Variants in TFB2M observed in about 807,000 individuals in gnomAD.
The protein encoded by TFB2M is dimethyladenosine transferase 2, mitochondrial.
In TFB2M, 44 loss-of-function variants were observed where a neutral mutation model predicts 41.3. The ratio of observed to expected loss-of-function variants is 1.07; its 90% CI spans 0.84 to 1.37. The LOEUF (loss-of-function observed/expected upper bound fraction) is 1.37, where lower values mean the gene tolerates loss of function less well. Ranked by LOEUF, TFB2M falls within the 40% of genes most tolerant of loss-of-function variation. TFB2M has a pLI of 0.00. For missense variants in TFB2M, 496 were observed against 490.2 expected (o/e 1.01, Z -0.11); for synonymous variants, 188 against 176.8 (o/e 1.06, Z -0.50).
At chr1:246,548,057 C>T (rs1659071612) in intron 6 of TFB2M, among the ~76,000 whole-genome samples, 1 of 150,856 alleles carries the variant, frequency 6.6e-6, no homozygotes, top group African/African-American at 2.4e-5. Flanking sequence ...AGTGATTCTT[C>T]TGCTTCAGCG....
intron 7 of TFB2M, among the ~76,000 whole-genome samples, chr1:246,541,477 C>CA (rs34538127): frequency 3.3e-5 from 5 of 149,596 alleles, no homozygotes; most frequent in Admixed American, 2.0e-4. Context: ...TCCATGAAAC[C>CA]AAAAAAATCA....
intron 2 of TFB2M, 90 bp downstream of exon 2, chr1:246,564,251 TCTATG>T (rs1167026099): frequency 9.7e-7 from 1 of 1,033,368 alleles, no homozygotes; most frequent in Non-Finnish European, 1.5e-6. Flanking sequence ...TAAAAGATAT[TCTATG>T]TAAAACACTG....
chr1:246,551,574 C>T (rs115648191), intron 4 of TFB2M, among the ~76,000 whole-genome samples: 1,548 of 152,114 alleles, frequency 0.01, 22 homozygotes, highest in African/African-American at 0.034. Flanking sequence ...GCAGGGGCAA[C>T]GGCAGGGCAC....
chr1:246,561,241 G>A (rs1659448013), intron 2 of TFB2M, among the ~76,000 whole-genome samples: 2 of 152,200 alleles, frequency 1.3e-5, no homozygotes, highest in African/African-American at 4.8e-5. Flanking sequence ...TAAGGGTTGA[G>A]TACAAGTCAG....
chr1:246,564,828 C>T (rs891881092), intron 1 of TFB2M, among the ~76,000 whole-genome samples: 1 of 152,048 alleles, frequency 6.6e-6, no homozygotes, highest in African/African-American at 2.4e-5. Flanking sequence ...TACAGGCGCC[C>T]GCCACCACGC....
rs752001915 is a variant in TFB2M at position 246,541,038 on chromosome 1, T to C, written c.1184A>G (p.Asp395Gly). The change falls in exon 8 of 8, where the codon GAT (aspartate) becomes GGT (glycine). Residue 395 changes from aspartate to glycine, a missense_variant. Transcript: ENST00000366514. The stretch of plus-strand genomic sequence containing the variant: ...AAAACGACAGTCTAGTTGCTACCTA[T>C]CTTCCAGGGTTTCATCATACAGCCA... ...YKWLYDETLE[D>G]R is the part of the protein sequence containing the mutation. 87 of 1,609,800 alleles carry C rather than the reference T, an allele frequency of 5.4e-5. 1 individual carries two copies. The highest frequency in any genetic ancestry group is 7.2e-5 in the Non-Finnish European group (85 of 1,178,058).
intron 4 of TFB2M, among the ~76,000 whole-genome samples, chr1:246,552,319 C>T (rs1048030868): frequency 2.0e-5 from 3 of 152,138 alleles, no homozygotes; most frequent in African/African-American, 7.2e-5. Context: ...AGATCAATAA[C>T]ATGAAACATT....
At chr1:246,547,432 G>A (rs900725319) in intron 6 of TFB2M, among the ~76,000 whole-genome samples, 1 of 152,180 alleles carries the variant, frequency 6.6e-6, no homozygotes, top group African/African-American at 2.4e-5. Context: ...TAGACAAAAT[G>A]CATTATTCCT....
intron 1 of TFB2M, among the ~76,000 whole-genome samples, chr1:246,565,381 T>C (rs1349437051): frequency 6.6e-6 from 1 of 152,230 alleles, no homozygotes; most frequent in Admixed American, 6.5e-5. Flanking sequence ...TCTACGCTTA[T>C]GTAGTGGGCA....
Position 246,566,214 on chromosome 1 carries a change from G to T in TFB2M, c.-76C>A. 2 of 1,473,490 alleles carry T rather than the reference G, an allele frequency of 1.4e-6. No homozygotes were observed. The highest frequency in any genetic ancestry group is 1.8e-6 in the Non-Finnish European group (2 of 1,089,956). 91.3% of individuals were successfully genotyped at this position (1,473,490 alleles called of 1,614,324 possible). A position where few individuals can be genotyped will look rare whatever the true frequency, so the allele number is the denominator to read the frequency against. On this transcript the variant is annotated 5_prime_UTR_variant, in exon 1 of 8. Transcript: ENST00000366514. ...GTGAACCCCACGCAGGGTATCCCACGTGGAACATTTTCTGGCGTCCGGGCC... is the reference window on the plus strand; with the variant it reads ...GTGAACCCCACGCAGGGTATCCCACTTGGAACATTTTCTGGCGTCCGGGCC...
chr1:246,550,124 C>T (rs767159630), intron 5 of TFB2M, among the ~76,000 whole-genome samples: 5 of 152,124 alleles, frequency 3.3e-5, no homozygotes, highest in Non-Finnish European at 5.9e-5. Flanking sequence ...AACAAGAAGA[C>T]GAAAACATTC....
At chr1:246,547,264 G>A (rs1415856392) in intron 6 of TFB2M, among the ~76,000 whole-genome samples, 1 of 152,128 alleles carries the variant, frequency 6.6e-6, no homozygotes. Context: ...TTACAGGTGT[G>A]AGCCACCACG....
intron 2 of TFB2M, among the ~76,000 whole-genome samples, chr1:246,559,701 G>C (rs1470806671): frequency 2.0e-5 from 3 of 152,202 alleles, no homozygotes; most frequent in Non-Finnish European, 4.4e-5. Context: ...TCTAGGTAGA[G>C]GTGCCAGGTA....
intron 6 of TFB2M, among the ~76,000 whole-genome samples, chr1:246,547,686 C>T (rs1659060228): frequency 6.6e-6 from 1 of 150,588 alleles, no homozygotes; most frequent in African/African-American, 2.4e-5. Context: ...TTTTAAGCCC[C>T]AAACCTTAAA....
chr1:246,566,003 C>CA lies in TFB2M; in HGVS notation c.135dup (p.Asp46Ter). 2 of 1,614,188 alleles carry CA rather than the reference C, an allele frequency of 1.2e-6. No homozygotes were observed. The highest frequency in any genetic ancestry group is 1.7e-6 in the Non-Finnish European group (2 of 1,180,042). On this transcript the variant is annotated frameshift_variant, in exon 1 of 8. Coordinates refer to ENST00000366514, the MANE Select transcript of TFB2M (RefSeq NM_022366.3). LOFTEE classifies it high-confidence loss of function. ...TCGGGCCACAGCTGCGGAGAGGAGT[C>CA]AGAGAGCCCACAGTGGTTCCTCGCC...
At chr1:246,562,309 C>T (rs549810905) in intron 2 of TFB2M, among the ~76,000 whole-genome samples, 1 of 152,310 alleles carries the variant, frequency 6.6e-6, no homozygotes, top group South Asian at 2.1e-4. Context: ...GAGTAAGAGA[C>T]TGGTTAAAGA....
intron 6 of TFB2M, among the ~76,000 whole-genome samples, chr1:246,545,418 G>C (rs576387345): frequency 6.6e-6 from 1 of 151,414 alleles, no homozygotes; most frequent in Non-Finnish European, 1.5e-5. Flanking sequence ...CCAGCTACTC[G>C]GGAGGCTGAG....
At chr1:246,544,425 ACT>A in intron 7 of TFB2M, 94 bp downstream of exon 7, 1 of 1,123,992 alleles carries the variant, frequency 8.9e-7, no homozygotes, top group Non-Finnish European at 1.3e-6. Flanking sequence ...ATGGTACCTC[ACT>A]CTGTCAATCA....
chr1:246,565,906 C>T lies in TFB2M; in HGVS notation c.233G>A (p.Arg78Gln), dbSNP rs765575980. ...TTGCGCCAGGGTCTCAGCCAATCTCCGATCGGTTACGTAACGCTTAAAGTC... is the reference window on the plus strand; with the variant it reads ...TTGCGCCAGGGTCTCAGCCAATCTCTGATCGGTTACGTAACGCTTAAAGTC... ...SLDFKRYVTD[R>Q]RLAETLAQIY... Residue 78 changes from arginine (R) to glutamine (Q), a missense_variant, in exon 1 of 8, where the codon CGG (arginine) becomes CAG (glutamine). Arg to Gln is a conservative substitution (Grantham distance 43). Transcript: ENST00000366514. The T allele has an allele frequency of 1.1e-5, 17 of 1,613,808 alleles. No homozygotes were observed. The highest frequency in any genetic ancestry group is 2.2e-5 in the East Asian group (1 of 44,874).
Sources: allele counts gnomAD v4.1 joint callset (sites outside exome capture counted in the v4.1 genomes callset), GRCh38; gene constraint gnomAD v4.1.1; transcripts MANE v1.5; gene names NCBI Gene and HGNC (gene_info 2026-07-23, HGNC 2026-07-21).